Variants in TARBP2 observed in about 807,000 individuals in gnomAD.
TARBP2 encodes TARBP2 subunit of RISC loading complex.
In TARBP2, 23 loss-of-function variants were observed where a neutral mutation model predicts 40.4. That is an observed-to-expected ratio of 0.57 (90% CI 0.41 to 0.81). TARBP2 has a LOEUF of 0.81. TARBP2 is among the 30% of genes least tolerant of loss of function. TARBP2 has a pLI of 0.00. For missense variants in TARBP2, 358 were observed against 473.7 expected, an observed-to-expected ratio of 0.76 and a Z score of 2.27; for synonymous variants, 183 against 190.5, an observed-to-expected ratio of 0.96 and a Z score of 0.32.
Position 53,505,340 on chromosome 12 carries a change from C to T in TARBP2, c.741+78C>T. 6.6e-7 allele frequency: 1 copy of T among 1,514,706 alleles called. No homozygotes were observed. The allele number at this position is 1,514,706 out of a possible 1,614,324, so 93.8% of individuals were successfully genotyped here. ...GGGCTCCAGGGACTTGGGTCTGTGACTCAGCAGTGAGCCTCTCTGGGCCCT... is the reference window on the plus strand; with the variant it reads ...GGGCTCCAGGGACTTGGGTCTGTGATTCAGCAGTGAGCCTCTCTGGGCCCT... On this transcript the variant is annotated intron_variant, in intron 7 of 8. Coordinates refer to ENST00000266987, the MANE Select transcript of TARBP2 (RefSeq NM_134323.2). This position sits in a 1 kb window ranked among gnomAD's most constrained non-coding sequence, Gnocchi z 4.5.
upstream of TARBP2, chr12:53,501,171 G>A (rs1374520043): frequency 7.1e-6 from 4 of 565,120 alleles, no homozygotes; most frequent in Non-Finnish European, 1.3e-5. Flanking sequence ...GCTCCTCCCA[G>A]AAGGCGGTGC....
At position 53,503,800 on chromosome 12, in the gene TARBP2, C is replaced by T; in HGVS notation, c.414C>T (p.Val138=). Residue 138 remains valine (V), a synonymous_variant, in exon 4 of 9, where the codon GTC becomes GTT. Transcript: ENST00000266987. ...CTGCTACCCCAGTTCCATCTGTAGT[C>T]CTAACCAGGTATCTGTGTCCCCTGA... ...AAAATPVPSV[V]LTRSPPMELQ... 1.2e-6 allele frequency: 2 copies of T among 1,613,934 alleles called. No individual in the cohort carries two copies. The highest frequency in any genetic ancestry group is 1.7e-6 in the Non-Finnish European group (2 of 1,179,778).
chr12:53,502,541 C>A (rs1012544192), intron 2 of TARBP2: 3 of 293,004 alleles, frequency 1.0e-5, no homozygotes, highest in African/African-American at 4.4e-5. Flanking sequence ...TTTTAAACCT[C>A]AGTCTAACCA....
At chr12:53,504,536 T>TATG in intron 5 of TARBP2, 67 bp downstream of exon 5, 2 of 1,603,676 alleles carry the variant, frequency 1.2e-6, no homozygotes, top group South Asian at 1.1e-5. Context: ...GAGGGAAGGC[T>TATG]ATGTGTGTTT....
intron 2 of TARBP2, 144 bp from the exon 3 acceptor site, chr12:53,502,883 A>C (rs1299763753): frequency 5.4e-6 from 4 of 740,744 alleles, no homozygotes; most frequent in Non-Finnish European, 8.1e-6. Context: ...CAATTAGTGA[A>C]ACACTTCCAG....
chr12:53,506,220 G>C lies in TARBP2; in HGVS notation c.*72G>C. The C allele has an allele frequency of 1.9e-6, 3 of 1,543,898 alleles. No individual in the cohort carries two copies. The highest frequency in any genetic ancestry group is 1.8e-6 in the Non-Finnish European group (2 of 1,141,798). On this transcript the variant is annotated 3_prime_UTR_variant, in exon 9 of 9. Coordinates refer to ENST00000266987, the MANE Select transcript of TARBP2 (RefSeq NM_134323.2). The stretch of plus-strand genomic sequence containing the variant: ...TCTGCCTCTGGGCTCATGTATCTGC[G>C]CAGCTCTGGTACCCTCTGTGGGTGC...
In TARBP2 at chr12:53,505,528, T is replaced by TGGG; in HGVS notation, c.742-117_742-115dup. 2 of 1,175,564 alleles carry TGGG rather than the reference T, an allele frequency of 1.7e-6. No homozygotes were observed. Among genetic ancestry groups the TGGG allele is most frequent in the Non-Finnish European group, 2.5e-6 (2 of 813,606 alleles). The allele number at this position is 1,175,564 out of a possible 1,614,324, so 72.8% of individuals were successfully genotyped here. Reference sequence around the variant, plus strand: ...TAGAAGGGGCCACCCAGGGATTGACTGGGGGGAGGCAAGCTGGAGGAAGCA... The same window carrying TGGG: ...TAGAAGGGGCCACCCAGGGATTGACTGGGGGGGGGAGGCAAGCTGGAGGAAGCA... On this transcript the variant is annotated intron_variant, in intron 7 of 8. Coordinates refer to ENST00000266987, the MANE Select transcript of TARBP2 (RefSeq NM_134323.2). This position sits in a 1 kb window ranked among gnomAD's most constrained non-coding sequence, Gnocchi z 4.5.
intron 4 of TARBP2, chr12:53,504,174 T>A (rs527425530): frequency 1.8e-6 from 1 of 564,176 alleles, no homozygotes; most frequent in Non-Finnish European, 3.1e-6. Flanking sequence ...TGTTCCAGAA[T>A]GGAAATGGGC....
intron 3 of TARBP2, chr12:53,503,333 A>G: frequency 8.0e-7 from 1 of 1,248,152 alleles, no homozygotes; most frequent in Non-Finnish European, 1.1e-6. Flanking sequence ...TTAGCCCCAT[A>G]GAGGGGTTGT....
At position 53,505,363 on chromosome 12, in the gene TARBP2, C is replaced by T; in HGVS notation, c.741+101C>T. The T allele has an allele frequency of 6.7e-7, 1 of 1,481,810 alleles. No individual in the cohort carries two copies. Among genetic ancestry groups the T allele is most frequent in the Non-Finnish European group, 9.0e-7 (1 of 1,111,306 alleles). The allele number at this position is 1,481,810 out of a possible 1,614,324, so 91.8% of individuals were successfully genotyped here. On this transcript the variant is annotated intron_variant, in intron 7 of 8. Coordinates refer to ENST00000266987, the MANE Select transcript of TARBP2 (RefSeq NM_134323.2). This position sits in a 1 kb window ranked among gnomAD's most constrained non-coding sequence, Gnocchi z 4.5. ...GACTCAGCAGTGAGCCTCTCTGGGC[C>T]CTAGGTCTGCTTCTGCCACAGTTTT... is the stretch of plus-strand genomic sequence containing the variant.
chr12:53,501,923 C>G, intron 1 of TARBP2, 92 bp from the exon 2 acceptor site: 1 of 1,530,708 alleles, frequency 6.5e-7, no homozygotes, highest in South Asian at 1.2e-5. Flanking sequence ...ACCCTATGTC[C>G]CCCATAATGT....
At chr12:53,504,589 C>G (rs764912798) in intron 5 of TARBP2, 109 bp from the exon 6 acceptor site, 6 of 1,607,744 alleles carry the variant, frequency 3.7e-6, no homozygotes, top group Admixed American at 3.3e-5. Flanking sequence ...TTTCCACCCC[C>G]CTCTCTCCTT....
At position 53,502,154 on chromosome 12, in the gene TARBP2, C is replaced by T; in HGVS notation, c.193C>T (p.Arg65Trp). Residue 65 changes from arginine (R) to tryptophan (W), a missense_variant, in exon 2 of 9, where the codon CGG becomes TGG. Physicochemically the swap from Arg to Trp is moderately radical, Grantham distance 101. Transcript: ENST00000266987. ...AGCCCACCAGCCTAATTTCACCTTC[C>T]GGGTCACCGTTGGCGACACCAGCTG... ...GQAHQPNFTF[R>W]VTVGDTSCTG... 1 of 1,614,214 alleles carries T rather than the reference C, an allele frequency of 6.2e-7. No individual in the cohort carries two copies. Among genetic ancestry groups the T allele is most frequent in the Non-Finnish European group, 8.5e-7 (1 of 1,180,052 alleles).
Position 53,502,185 on chromosome 12 carries a change from G to A in TARBP2, c.223+1G>A. On this transcript the variant is annotated splice_donor_variant, in intron 2 of 8. Coordinates refer to ENST00000266987, the MANE Select transcript of TARBP2 (RefSeq NM_134323.2). LOFTEE classifies it high-confidence loss of function. ...ACCGTTGGCGACACCAGCTGCACTGGTGAGGAAGGCTTGGGCAGCCTGGCT... is the reference window on the plus strand; with the variant it reads ...ACCGTTGGCGACACCAGCTGCACTGATGAGGAAGGCTTGGGCAGCCTGGCT... 1.2e-6 allele frequency: 2 copies of A among 1,614,176 alleles called. No homozygotes were observed. Among genetic ancestry groups the A allele is most frequent in the Non-Finnish European group, 1.7e-6 (2 of 1,180,016 alleles).
upstream of TARBP2, chr12:53,501,126 A>C (rs1943680949): frequency 3.8e-6 from 2 of 530,532 alleles, no homozygotes; most frequent in East Asian, 6.6e-5. Context: ...AAACAAAAAA[A>C]TACGGCCTTC....
Position 53,501,758 on chromosome 12 carries a change from AACCTGCATTGGGGCACAGGATCGTGCC to A in TARBP2, c.54-256_54-230del, listed in dbSNP as rs1264664946. 35 of 1,405,902 alleles carry A rather than the reference AACCTGCATTGGGGCACAGGATCGTGCC, an allele frequency of 2.5e-5. No homozygotes were observed. In the African/African-American group the frequency reaches 4.1e-4, roughly 16 times the overall value. 87.1% of individuals were successfully genotyped at this position (1,405,902 alleles called of 1,614,324 possible). A position where few individuals can be genotyped will look rare whatever the true frequency, so the allele number is the denominator to read the frequency against. On this transcript the variant is annotated intron_variant, in intron 1 of 8. Coordinates refer to ENST00000266987, the MANE Select transcript of TARBP2 (RefSeq NM_134323.2). ...ACTGTGTCAGGGGGTATGCACTTTC[AACCTGCATTGGGGCACAGGATCGTGCC>A]CACCTTAACTGAGGCAGGAGCAATG...
chr12:53,505,562 G>T lies in TARBP2; in HGVS notation c.742-87G>T, dbSNP rs1178524961. ...GCAAGCTGGAGGAAGCATTCTTTGT[G>T]CTTTGTTCTCCTTTGACGTTGAATG... On this transcript the variant is annotated intron_variant, in intron 7 of 8. Transcript: ENST00000266987. This position sits in a 1 kb window ranked among gnomAD's most constrained non-coding sequence, Gnocchi z 4.5. 28 of 1,376,076 alleles carry T rather than the reference G, an allele frequency of 2.0e-5. No individual in the cohort carries two copies. The highest frequency in any genetic ancestry group is 2.7e-5 in the Non-Finnish European group (26 of 978,332). 85.2% of individuals were successfully genotyped at this position (1,376,076 alleles called of 1,614,324 possible).
intron 5 of TARBP2, 36 bp from the exon 6 acceptor site, chr12:53,504,662 C>T (rs1338946598): frequency 1.2e-6 from 2 of 1,614,064 alleles, no homozygotes; most frequent in Non-Finnish European, 1.7e-6. Context: ...AGCCTTTTTT[C>T]ACTCAGCCTC....
chr12:53,506,162 C>G lies in TARBP2; in HGVS notation c.*14C>G. On this transcript the variant is annotated 3_prime_UTR_variant, in exon 9 of 9. Transcript: ENST00000266987. ...GGCAGCAAGTGAAGCCCCAGCTGGA[C>G]TCATGGATGTGCACCCTTTGCTCCC... is the stretch of plus-strand genomic sequence containing the variant. 6.2e-7 allele frequency: 1 copy of G among 1,612,076 alleles called. No individual in the cohort carries two copies.
Sources: gnomAD v4.1 joint callset for allele counts on GRCh38, gnomAD v4.1.1 for gene constraint, Gnocchi (gnomAD v3.1) non-coding constraint, MANE v1.5 for transcripts, NCBI Gene and HGNC (gene_info 2026-07-23, HGNC 2026-07-21) for gene names.